MIDEAS: variants seen among roughly 807,000 people sequenced by gnomAD.
MIDEAS encodes the protein mitotic deacetylase associated SANT domain protein, also known as mitotic deacetylase-associated SANT domain protein.
MIDEAS carries 26 observed loss-of-function variants against 102.7 expected under a neutral mutation model. That is an observed-to-expected ratio of 0.25 (90% CI 0.19 to 0.35). The LOEUF is 0.35. Among genes scored for constraint, MIDEAS ranks in the 10% least tolerant of loss-of-function variants. MIDEAS has a pLI of 1.00. For missense variants in MIDEAS, 1,231 were observed against 1,435.6 expected, an observed-to-expected ratio of 0.86 and a Z score of 2.30; for synonymous variants, 585 against 591.0, an observed-to-expected ratio of 0.99 and a Z score of 0.15.
intron 1 of MIDEAS, among the ~76,000 whole-genome samples, chr14:73,786,549 G>T (rs988101407): frequency 6.6e-6 from 1 of 152,220 alleles, no homozygotes; most frequent in Non-Finnish European, 1.5e-5. Flanking sequence ...TTTCAAGGGG[G>T]CTTGGGGACA....
intron 1 of MIDEAS, among the ~76,000 whole-genome samples, chr14:73,772,587 GT>G (rs200261598): frequency 2.0e-4 from 30 of 149,928 alleles, no homozygotes; most frequent in African/African-American, 6.6e-4. Flanking sequence ...TTTTGGTTTT[GT>G]TTTTTTTTCT....
intron 1 of MIDEAS, among the ~76,000 whole-genome samples, chr14:73,784,695 G>C (rs1381323325): frequency 1.3e-5 from 2 of 152,178 alleles, no homozygotes; most frequent in Non-Finnish European, 2.9e-5. Flanking sequence ...GACCTTCACA[G>C]TCAAGATCAG....
chr14:73,764,383 A>AAAAC (rs2053578147), upstream of MIDEAS, among the ~76,000 whole-genome samples: 1 of 151,426 alleles, frequency 6.6e-6, no homozygotes, highest in Non-Finnish European at 1.5e-5. Flanking sequence ...ACAAAAAAAA[A>AAAAC]CCACCTAGTT....
rs2140083428 is a variant in MIDEAS, at chr14:73,715,220, A to G, written c.*3623T>C. On this transcript the variant is annotated 3_prime_UTR_variant, in exon 13 of 13. Transcript: ENST00000423556. ...GGTACATTACAATCACATCAGCAAGATTCTTTAGTGTATTAATTTTTTTCT... is the reference window on the plus strand; with the variant it reads ...GGTACATTACAATCACATCAGCAAGGTTCTTTAGTGTATTAATTTTTTTCT... 6.5e-6 allele frequency: 1 copy of G among 152,794 alleles called. No homozygotes were observed. The highest frequency in any genetic ancestry group is 1.5e-5 in the Non-Finnish European group (1 of 68,036). The allele number at this position is 152,794 out of a possible 1,614,324, so 9.5% of individuals were successfully genotyped here.
At position 73,760,183 on chromosome 14, in the gene MIDEAS, G is replaced by A. The variant is rs974896416; in HGVS notation, c.-668C>T. 1.2e-4 allele frequency: 18 copies of A among 152,274 alleles called. No homozygotes were observed. The highest frequency in any genetic ancestry group is 1.9e-4 in the Non-Finnish European group (13 of 68,222). The allele number at this position is 152,274 out of a possible 1,614,324, so 9.4% of individuals were successfully genotyped here. ...GGCGAGAGGCAACAGCGGAGGAGGA[G>A]GACTCTGGCGTGCTACAAAGGATTG... On this transcript the variant is annotated 5_prime_UTR_variant, in exon 1 of 13. Coordinates refer to ENST00000423556, the MANE Select transcript of MIDEAS (RefSeq NM_001367710.1). This position sits in a 1 kb window ranked among gnomAD's most constrained non-coding sequence, Gnocchi z 4.8.
chr14:73,733,097 A>C (rs2053160257), intron 3 of MIDEAS, among the ~76,000 whole-genome samples: 1 of 152,098 alleles, frequency 6.6e-6, no homozygotes, highest in East Asian at 1.9e-4. Flanking sequence ...CGTCTCAAAA[A>C]AAAAAGAAAA....
intron 1 of MIDEAS, among the ~76,000 whole-genome samples, chr14:73,786,664 G>C (rs1368649491): frequency 1.3e-5 from 2 of 152,258 alleles, no homozygotes; most frequent in East Asian, 1.9e-4. Context: ...TCCGGGGAAA[G>C]TTCCTTTAAC....
In MIDEAS at chr14:73,729,704, G is replaced by A. The variant is rs145072375; in HGVS notation, c.2031C>T (p.Thr677=). The A allele has an allele frequency of 1.9e-6, 3 of 1,613,980 alleles. No homozygotes were observed. Among genetic ancestry groups the A allele is most frequent in the Non-Finnish European group, 2.5e-6 (3 of 1,180,042 alleles). Reference sequence around the variant, plus strand: ...TGGGAGGAGGGGCAGGGATGGTGCTGGTTGATATGATGGCATTGAAGTAGA... The same window carrying A: ...TGGGAGGAGGGGCAGGGATGGTGCTAGTTGATATGATGGCATTGAAGTAGA... The part of the protein sequence containing the change: ...SGLYFNAIIS[T]STIPAPPPIT... Residue 677 remains threonine, a synonymous_variant, in exon 4 of 13, where the codon ACC becomes ACT. Transcript: ENST00000423556.
chr14:73,754,657 G>T (rs1251255973), intron 1 of MIDEAS, among the ~76,000 whole-genome samples: 2 of 152,152 alleles, frequency 1.3e-5, no homozygotes, highest in African/African-American at 4.8e-5. Flanking sequence ...CCCAGCTCTG[G>T]AATTAGGACT....
chr14:73,777,711 C>A (rs2053704241), intron 1 of MIDEAS, among the ~76,000 whole-genome samples: 1 of 151,976 alleles, frequency 6.6e-6, no homozygotes, highest in Non-Finnish European at 1.5e-5. Flanking sequence ...GCCTCTCATT[C>A]GTTAATTCCA....
upstream of MIDEAS, among the ~76,000 whole-genome samples, chr14:73,764,323 G>T (rs2053575678): frequency 7.8e-6 from 1 of 128,870 alleles, no homozygotes. Flanking sequence ...CTGGGCAACA[G>T]AGGGAGACCC....
rs754877368 is a variant in MIDEAS at position 73,718,830 on chromosome 14, C to G, written c.*13G>C. 103 of 1,428,046 alleles carry G rather than the reference C, an allele frequency of 7.2e-5. 3 individuals carry two copies. In the South Asian group the frequency reaches 1.4e-3, roughly 19 times the overall value. The allele number at this position is 1,428,046 out of a possible 1,614,324, so 88.5% of individuals were successfully genotyped here. ...GGCCGAGGCCCAGGACTGGGCCAGC[C>G]TGGCTCCCGCGCTCAGCCCTTGTCG... is the stretch of plus-strand genomic sequence containing the variant. On this transcript the variant is annotated 3_prime_UTR_variant, in exon 13 of 13. Transcript: ENST00000423556.
intron 3 of MIDEAS, among the ~76,000 whole-genome samples, chr14:73,735,999 A>G (rs2053195346): frequency 6.6e-6 from 1 of 152,116 alleles, no homozygotes; most frequent in Non-Finnish European, 1.5e-5. Flanking sequence ...TCTACTAAAA[A>G]TACGAAAATT....
chr14:73,752,651 C>G (rs1298275914), intron 1 of MIDEAS, among the ~76,000 whole-genome samples: 1 of 152,132 alleles, frequency 6.6e-6, no homozygotes, highest in Admixed American at 6.5e-5. Flanking sequence ...AAACTGGGCA[C>G]AGACAGACGC....
intron 1 of MIDEAS, among the ~76,000 whole-genome samples, chr14:73,769,322 C>A (rs1408240265): frequency 6.6e-6 from 1 of 152,236 alleles, no homozygotes; most frequent in Non-Finnish European, 1.5e-5. Flanking sequence ...GCGGGAGGCT[C>A]TGCAGTCACA....
chr14:73,787,537 G>A (rs2053828361), upstream of MIDEAS: 1 of 152,244 alleles, frequency 6.6e-6, no homozygotes, highest in African/African-American at 2.4e-5. Flanking sequence ...GGGGTTCAGG[G>A]TCCCCGGAAA....
rs933774623 is a variant in MIDEAS at position 73,715,168 on chromosome 14, A to C, written c.*3675T>G. 2 of 152,688 alleles carry C rather than the reference A, an allele frequency of 1.3e-5. No individual in the cohort carries two copies. The highest frequency in any genetic ancestry group is 4.8e-5 in the African/African-American group (2 of 41,472). The allele number at this position is 152,688 out of a possible 1,614,324, so 9.5% of individuals were successfully genotyped here. A position where few individuals can be genotyped will look rare whatever the true frequency, so the allele number is the denominator to read the frequency against. On this transcript the variant is annotated 3_prime_UTR_variant, in exon 13 of 13. Transcript: ENST00000423556. ...AATAAAAGGTTTAAAGATACAGAAG[A>C]ACATTCAAAAGTAAATAAGTTACAT...
chr14:73,764,114 C>T (rs1029722196), upstream of MIDEAS, among the ~76,000 whole-genome samples: 4 of 152,126 alleles, frequency 2.6e-5, no homozygotes, highest in African/African-American at 7.2e-5. Flanking sequence ...CCAAAGCGGG[C>T]GGATCATCTG....
chr14:73,727,710 A>G lies in MIDEAS; in HGVS notation c.2096-186T>C, dbSNP rs909506308. The G allele has an allele frequency of 7.0e-6, 4 of 570,032 alleles. No homozygotes were observed. In the African/African-American group the frequency reaches 7.8e-5, roughly 11 times the overall value. The allele number at this position is 570,032 out of a possible 1,614,324, so 35.3% of individuals were successfully genotyped here. On this transcript the variant is annotated intron_variant, in intron 4 of 12. Coordinates refer to ENST00000423556, the MANE Select transcript of MIDEAS (RefSeq NM_001367710.1). ...CGAAAACGCAGGCCCTTCACTAAAT[A>G]TTTGGGTGCCTCAGTTTTCACACTC...
Sources: gnomAD v4.1 joint callset for allele counts (sites outside exome capture counted in the v4.1 genomes callset) on GRCh38, gnomAD v4.1.1 for gene constraint, Gnocchi (gnomAD v3.1) non-coding constraint, MANE v1.5 for transcripts, NCBI Gene and HGNC (gene_info 2026-07-23, HGNC 2026-07-21) for gene names.